AGBL3: variants seen among roughly 807,000 people sequenced by gnomAD.
The protein encoded by AGBL3 is AGBL carboxypeptidase 3.
In AGBL3, 68 loss-of-function variants were observed where a neutral mutation model predicts 94.5. That is an observed-to-expected ratio of 0.72 (90% CI 0.59 to 0.88). AGBL3 has a LOEUF of 0.88. AGBL3 is among the 40% of genes least tolerant of loss of function. AGBL3 has a pLI of 0.00. For missense variants in AGBL3, 934 were observed against 1,103.8 expected (o/e 0.85, Z 2.18); for synonymous variants, 354 against 370.7 (o/e 0.95, Z 0.52).
chr7:135,002,567 A>G (rs777955872), intron 4 of AGBL3, among the ~76,000 whole-genome samples: 5 of 152,126 alleles, frequency 3.3e-5, no homozygotes, highest in Non-Finnish European at 7.4e-5. Context: ...AAACTATCTG[A>G]TGTAGCCCAA....
At chr7:135,006,966 C>T (rs867037119) in intron 4 of AGBL3, among the ~76,000 whole-genome samples, 16 of 151,650 alleles carry the variant, frequency 1.1e-4, no homozygotes, top group South Asian at 4.1e-4. Context: ...ATATGAAGTA[C>T]GGAAACTGAC....
intron 8 of AGBL3, among the ~76,000 whole-genome samples, chr7:135,041,037 C>T (rs991980989): frequency 6.6e-6 from 1 of 152,058 alleles, no homozygotes. Flanking sequence ...TTTATCTTAG[C>T]TTCAAAATAA....
At chr7:135,095,233 C>T (rs1177398742) in intron 15 of AGBL3, among the ~76,000 whole-genome samples, 1 of 152,172 alleles carries the variant, frequency 6.6e-6, no homozygotes, top group Non-Finnish European at 1.5e-5. Flanking sequence ...AGCCCAGGAA[C>T]ACAGGCCCAC....
chr7:135,007,502 TC>T (rs1812543627), intron 4 of AGBL3, among the ~76,000 whole-genome samples: 1 of 151,772 alleles, frequency 6.6e-6, no homozygotes, highest in Admixed American at 6.6e-5. Flanking sequence ...ACAAAAACAC[TC>T]ACCAAATTAG....
In AGBL3 at chr7:135,105,085, T is replaced by TTC. The variant is rs1824464267; in HGVS notation, c.2111-10294_2111-10293insCT. On this transcript the variant is annotated intron_variant, in intron 15 of 16. Transcript: ENST00000436302. ...TTACATTCAAGTTTTTTTTTTTTTTTTTGAGATGGAGTCTTGCTCTTTCAC... is the reference window on the plus strand; with the variant it reads ...TTACATTCAAGTTTTTTTTTTTTTTTTCTTGAGATGGAGTCTTGCTCTTTCAC... 4.0e-5 allele frequency among the ~76,000 whole-genome samples: 6 copies of TTC among 151,004 alleles called. No homozygotes were observed. The South Asian group carries it at 1.0e-3, about 26-fold the overall frequency.
At chr7:135,019,833 C>T (rs1045340623) in intron 5 of AGBL3, among the ~76,000 whole-genome samples, 7 of 152,098 alleles carry the variant, frequency 4.6e-5, no homozygotes, top group Non-Finnish European at 1.0e-4. Flanking sequence ...CCCTATTTAA[C>T]AAATGGTGCT....
chr7:135,070,468 A>G (rs557337382), intron 12 of AGBL3, among the ~76,000 whole-genome samples: 40 of 152,370 alleles, frequency 2.6e-4, no homozygotes, highest in African/African-American at 9.6e-4. Context: ...TTGATACAAA[A>G]ATCCTCAATA....
At chr7:135,096,744 A>AAAGAAAGAAAGAAAG (rs1822908017) in intron 15 of AGBL3, among the ~76,000 whole-genome samples, 1 of 87,466 alleles carries the variant, frequency 1.1e-5, no homozygotes, top group African/African-American at 5.1e-5. Flanking sequence ...AGAAAGAATG[A>AAAGAAAGAAAGAAAG]AAGAAAGAAA....
chr7:135,009,574 T>C (rs6953750), intron 4 of AGBL3, among the ~76,000 whole-genome samples: 66,680 of 151,832 alleles, frequency 0.44, 15,347 homozygotes, highest in East Asian at 0.78. Context: ...AAGTATTTTG[T>C]TCCATAAAGG....
Position 135,022,018 on chromosome 7 carries a change from T to C in AGBL3, c.418+4859T>C, listed in dbSNP as rs547386066. Among the ~76,000 whole-genome samples, 10 of 152,316 alleles carry C rather than the reference T, an allele frequency of 6.6e-5. No individual in the cohort carries two copies. In the South Asian group the frequency reaches 8.3e-4, roughly 13 times the overall value. ...GATCTCATTCCTTTTTGTGGCTGCA[T>C]AGTAGTCCATGGTGTATTTGTACCA... On this transcript the variant is annotated intron_variant, in intron 5 of 16. Coordinates refer to ENST00000436302, the MANE Select transcript of AGBL3 (RefSeq NM_178563.4).
Position 135,045,842 on chromosome 7 carries a change from T to C in AGBL3, c.1772T>C (p.Ile591Thr), listed in dbSNP as rs1196663426. Residue 591 changes from isoleucine to threonine, a missense_variant, in exon 11 of 17, where the codon ATA (isoleucine) becomes ACA (threonine). Transcript: ENST00000436302. ...LKELEEMERH[I>T]TLEKVFEDSD... ...GAATTAGAAGAAATGGAAAGACATA[T>C]AACCCTGGAAAAAGTCTTTGAGGAT... 2 of 1,550,792 alleles carry C rather than the reference T, an allele frequency of 1.3e-6. No homozygotes were observed. Among genetic ancestry groups the C allele is most frequent in the South Asian group, 1.2e-5 (1 of 84,032 alleles).
In AGBL3 at chr7:135,052,470, C is replaced by A. The variant is rs140899378; in HGVS notation, c.1841+6559C>A. On this transcript the variant is annotated intron_variant, in intron 11 of 16. Coordinates refer to ENST00000436302, the MANE Select transcript of AGBL3 (RefSeq NM_178563.4). The stretch of plus-strand genomic sequence containing the variant: ...GGGGGCTATATGTGTGGGCTTGTTA[C>A]ACGTATTTATTGCATAATGCTGGGG... Among the ~76,000 whole-genome samples the A allele has an allele frequency of 1.3e-3, 191 of 152,234 alleles. 3 individuals are homozygous for A. The highest frequency in any genetic ancestry group is 4.6e-3 in the African/African-American group (189 of 41,532).
chr7:135,068,174 G>C (rs867889793), intron 12 of AGBL3, among the ~76,000 whole-genome samples: 1 of 152,164 alleles, frequency 6.6e-6, no homozygotes, highest in Non-Finnish European at 1.5e-5. Flanking sequence ...AGTGAGAAGA[G>C]AAGTTTAGAG....
intron 4 of AGBL3, among the ~76,000 whole-genome samples, chr7:135,009,503 G>GT (rs1728418217): frequency 6.9e-6 from 1 of 144,886 alleles, no homozygotes; most frequent in Admixed American, 6.9e-5. Flanking sequence ...TTTTTTGATT[G>GT]TTTTTTTCTC....
intron 13 of AGBL3, 86 bp from the exon 14 acceptor site, chr7:135,080,117 G>GCA: frequency 9.7e-7 from 1 of 1,032,914 alleles, no homozygotes; most frequent in East Asian, 2.6e-5. Flanking sequence ...TGTTAAAAAT[G>GCA]CACAATACCA....
At chr7:135,131,809 CAAAT>C (rs1351568800) in intron 16 of AGBL3, among the ~76,000 whole-genome samples, 15 of 151,364 alleles carry the variant, frequency 9.9e-5, no homozygotes, top group African/African-American at 3.6e-4. Flanking sequence ...TTAATACTGA[CAAAT>C]AAAGAAAAAA....
intron 4 of AGBL3, chr7:135,011,733 T>G (rs1378466079): frequency 7.2e-5 from 11 of 152,204 alleles, no homozygotes; most frequent in African/African-American, 2.7e-4. Flanking sequence ...GAGTTCTGTT[T>G]CACAGAAACC....
intron 12 of AGBL3, 60 bp downstream of exon 12, chr7:135,059,295 G>T: frequency 1.6e-6 from 2 of 1,244,426 alleles, no homozygotes; most frequent in South Asian, 1.7e-5. Context: ...TTCTTATTGT[G>T]ACTAATAATC....
intron 6 of AGBL3, 75 bp from the exon 7 acceptor site, chr7:135,034,074 T>C: frequency 7.9e-7 from 1 of 1,273,722 alleles, no homozygotes; most frequent in Non-Finnish European, 1.0e-6. Flanking sequence ...TAACTCAAAA[T>C]TTTACATTGG....
Sources: gnomAD v4.1 joint callset for allele counts (sites outside exome capture counted in the v4.1 genomes callset) on GRCh38, gnomAD v4.1.1 for gene constraint, MANE v1.5 for transcripts, NCBI Gene and HGNC (gene_info 2026-07-23, HGNC 2026-07-21) for gene names.